The following PRKN variants were observed in gnomAD, a reference collection of about 807,000 sequenced individuals.
PRKN encodes the protein parkin RBR E3 ubiquitin protein ligase.
A neutral mutation model predicts 59.5 loss-of-function variants in PRKN; 56 were observed. That is an observed-to-expected ratio of 0.94 (90% CI 0.76 to 1.18). The LOEUF is 1.18. Ranked by LOEUF, PRKN falls within the 50% of genes most tolerant of loss-of-function variation. The pLI is 0.00. For missense variants in PRKN, 657 were observed against 596.4 expected, an observed-to-expected ratio of 1.10 and a Z score of -1.06; for synonymous variants, 250 against 222.1, an observed-to-expected ratio of 1.13 and a Z score of -1.12.
chr6:161,815,366 C>A (rs1028365246), intron 6 of PRKN, among the ~76,000 whole-genome samples: 2 of 152,164 alleles, frequency 1.3e-5, no homozygotes, highest in East Asian at 3.9e-4. Flanking sequence ...AAGTGTTCAC[C>A]TATACAAAGA....
In PRKN at chr6:161,550,198, G is replaced by A. The variant is rs1779949217; in HGVS notation, c.934-1195C>T. ...CAGGGTACAACAAGGGGGGCAGTGG[G>A]GCGGAGGCAGAGAGAACAAGGAGGG... is the stretch of plus-strand genomic sequence containing the variant. On this transcript the variant is annotated intron_variant, in intron 8 of 11. Transcript: ENST00000366898. The surrounding 1 kb of genome is among the most constrained non-coding windows in gnomAD (Gnocchi z 4.0). Among the ~76,000 whole-genome samples, 1 of 152,174 alleles carries A rather than the reference G, an allele frequency of 6.6e-6. No homozygotes were observed. The highest frequency in any genetic ancestry group is 1.5e-5 in the Non-Finnish European group (1 of 68,040).
intron 6 of PRKN, among the ~76,000 whole-genome samples, chr6:161,902,766 AG>A (rs1483153563): frequency 3.3e-4 from 50 of 151,998 alleles, no homozygotes; most frequent in Non-Finnish European, 8.8e-5. Flanking sequence ...CATGTTGGCC[AG>A]GCTGGTCTCA....
In PRKN at chr6:161,405,616, A is replaced by G. The variant is rs77217453; in HGVS notation, c.1084-18739T>C. Among the ~76,000 whole-genome samples the G allele has an allele frequency of 8.8e-6, 1 of 113,566 alleles. No individual in the cohort carries two copies. The highest frequency in any genetic ancestry group is 2.4e-4 in the South Asian group (1 of 4,152). 74.5% of individuals were successfully genotyped at this position (113,566 alleles called of 152,430 possible). A position where few individuals can be genotyped will look rare whatever the true frequency, so the allele number is the denominator to read the frequency against. ...AATAAAATAAAAATTAAAAATAAATAAATAAATAAATAAATAAATAAATAA... is the reference window on the plus strand; with the variant it reads ...AATAAAATAAAAATTAAAAATAAATGAATAAATAAATAAATAAATAAATAA... On this transcript the variant is annotated intron_variant, in intron 9 of 11. Coordinates refer to ENST00000366898, the MANE Select transcript of PRKN (RefSeq NM_004562.3). The surrounding 1 kb of genome is among the most constrained non-coding windows in gnomAD (Gnocchi z 5.1).
In PRKN at chr6:161,575,904, G is replaced by A. The variant is rs1034428979; in HGVS notation, c.872-6488C>T. Among the ~76,000 whole-genome samples, 5 of 152,180 alleles carry A rather than the reference G, an allele frequency of 3.3e-5. No individual in the cohort carries two copies. Among genetic ancestry groups the A allele is most frequent in the Non-Finnish European group, 5.9e-5 (4 of 68,034 alleles). ...CGACAAAATGGCATCAAAAATAAAT[G>A]AAGATTCAATGTGATCGAAGACAAT... is the stretch of plus-strand genomic sequence containing the variant. On this transcript the variant is annotated intron_variant, in intron 7 of 11. Transcript: ENST00000366898. The surrounding 1 kb of genome is among the most constrained non-coding windows in gnomAD (Gnocchi z 4.6).
chr6:162,214,048 A>G (rs1377390965), intron 3 of PRKN, among the ~76,000 whole-genome samples: 3 of 151,830 alleles, frequency 2.0e-5, no homozygotes, highest in Admixed American at 1.3e-4. Context: ...TTAGGGAGTG[A>G]CCCCAGACAC....
intron 9 of PRKN, among the ~76,000 whole-genome samples, chr6:161,539,063 C>T (rs549563866): frequency 1.3e-5 from 2 of 152,312 alleles, no homozygotes; most frequent in South Asian, 4.1e-4. Context: ...CTGCCCTTAC[C>T]CCCAAGGGGC....
At chr6:162,140,925 G>A (rs1020727622) in intron 4 of PRKN, among the ~76,000 whole-genome samples, 2 of 152,022 alleles carry the variant, frequency 1.3e-5, no homozygotes, top group Admixed American at 6.6e-5. Flanking sequence ...TCAGGAGATC[G>A]AGACCATCCT....
At chr6:162,021,107 A>AAAAC (rs1554261882) in intron 5 of PRKN, among the ~76,000 whole-genome samples, 5 of 110,786 alleles carry the variant, frequency 4.5e-5, no homozygotes, top group Non-Finnish European at 7.1e-5. Context: ...TGTCTCAAAA[A>AAAAC]AAAAACAAAA....
intron 3 of PRKN, among the ~76,000 whole-genome samples, chr6:162,246,620 T>C (rs1779208959): frequency 6.6e-6 from 1 of 152,124 alleles, no homozygotes; most frequent in African/African-American, 2.4e-5. Context: ...GTTTTAATAA[T>C]TTGGGTTTAA....
intron 3 of PRKN, among the ~76,000 whole-genome samples, chr6:162,247,012 T>G (rs1429981585): frequency 6.6e-6 from 1 of 152,090 alleles, no homozygotes; most frequent in East Asian, 1.9e-4. Flanking sequence ...GCCCTTTAGT[T>G]ATACATACTA....
intron 7 of PRKN, among the ~76,000 whole-genome samples, chr6:161,756,443 A>G (rs6929244): frequency 0.59 from 9,202 of 15,726 alleles, 2,580 homozygotes; most frequent in East Asian, 0.87. Flanking sequence ...CCTTGTCTCG[A>G]AAAAAAAAAA....
chr6:161,875,287 T>C (rs9458409), intron 6 of PRKN, among the ~76,000 whole-genome samples: 96,747 of 149,442 alleles, frequency 0.65, 32,008 homozygotes, highest in Middle Eastern at 0.73. Flanking sequence ...CTCCTCCTCC[T>C]GGGTTCAAGT....
chr6:161,570,764 A>G lies in PRKN; in HGVS notation c.872-1348T>C, dbSNP rs530283851. ...TAGTAGTTAAGTTTTGGGTGAGTCA[A>G]AAGTTCCACATAGTTTTTTGACTTC... On this transcript the variant is annotated intron_variant, in intron 7 of 11. Transcript: ENST00000366898. Among the ~76,000 whole-genome samples the G allele has an allele frequency of 3.2e-4, 49 of 152,328 alleles. 1 individual carries two copies. The highest frequency in any genetic ancestry group is 1.2e-3 in the African/African-American group (48 of 41,576).
chr6:162,347,828 G>A (rs936746982), intron 2 of PRKN, among the ~76,000 whole-genome samples: 3 of 152,118 alleles, frequency 2.0e-5, no homozygotes, highest in Non-Finnish European at 4.4e-5. Flanking sequence ...TGGTTTTGAA[G>A]ATACTGGCTA....
At chr6:161,406,668 C>A (rs1268570265) in intron 9 of PRKN, among the ~76,000 whole-genome samples, 1 of 152,134 alleles carries the variant, frequency 6.6e-6, no homozygotes, top group South Asian at 2.1e-4. Context: ...ACTCCTTTGG[C>A]CCCAGTCATT....
intron 6 of PRKN, among the ~76,000 whole-genome samples, chr6:161,800,446 CT>C (rs1791033370): frequency 6.6e-6 from 1 of 152,224 alleles, no homozygotes; most frequent in Admixed American, 6.5e-5. Flanking sequence ...AATTTAAAAT[CT>C]TTGCTTAGAG....
In PRKN at chr6:162,252,670, G is replaced by C. The variant is rs553995619; in HGVS notation, c.412+9855C>G. On this transcript the variant is annotated intron_variant, in intron 3 of 11. Transcript: ENST00000366898. ...GCTGGAAGGCACCATCTATGAACCA[G>C]CAAGCAGCCTTCGGCTGACATCAGC... Among the ~76,000 whole-genome samples, 7 of 152,310 alleles carry C rather than the reference G, an allele frequency of 4.6e-5. No individual in the cohort carries two copies. In the South Asian group the frequency reaches 1.4e-3, roughly 32 times the overall value.
chr6:161,858,878 T>TTTTTTTTTTTTTTA (rs71004066), intron 6 of PRKN, among the ~76,000 whole-genome samples: 1 of 145,118 alleles, frequency 6.9e-6, no homozygotes, highest in East Asian at 2.2e-4. Context: ...TTTTTTTTTT[T>TTTTTTTTTTTTTTA]GAGACAGAGG....
intron 2 of PRKN, among the ~76,000 whole-genome samples, chr6:162,428,909 A>C (rs9365420): frequency 1.3e-5 from 2 of 151,944 alleles, no homozygotes; most frequent in African/African-American, 4.8e-5. Flanking sequence ...TTTTCTGCAG[A>C]TATTCCCAGG....
Sources: gnomAD v4.1 joint callset for allele counts (sites outside exome capture counted in the v4.1 genomes callset) on GRCh38, gnomAD v4.1.1 for gene constraint, Gnocchi (gnomAD v3.1) non-coding constraint, MANE v1.5 for transcripts, NCBI Gene and HGNC (gene_info 2026-07-23, HGNC 2026-07-21) for gene names.